The following SNX7 variants were observed in gnomAD, a reference collection of about 807,000 sequenced individuals.
The protein encoded by SNX7 is sorting nexin-7.
A neutral mutation model predicts 48.4 loss-of-function variants in SNX7; 35 were observed. That is an observed-to-expected ratio of 0.72 (90% CI 0.55 to 0.96). The LOEUF (loss-of-function observed/expected upper bound fraction) is 0.96, where lower values mean the gene tolerates loss of function less well. Among genes scored for constraint, SNX7 ranks in the 40% least tolerant of loss-of-function variants. The pLI, the probability that SNX7 is intolerant of heterozygous loss-of-function variation, is 0.00. For synonymous variants in SNX7, 190 were observed against 190.2 expected (o/e 1.00, Z 0.01); for missense variants, 553 against 548.9 (o/e 1.01, Z -0.07).
At position 98,742,796 on chromosome 1, in the gene SNX7, A is replaced by AT. The variant is rs535934643; in HGVS notation, c.1278+4411dup. On this transcript the variant is annotated intron_variant, in intron 8 of 8. Coordinates refer to ENST00000306121, the MANE Select transcript of SNX7 (RefSeq NM_015976.5). ...TATTTTAAGATTAAATTATTGTTAG[A>AT]TTTTCTGCATGGGTCTTTGGAATGT... is the stretch of plus-strand genomic sequence containing the variant. 3.3e-3 allele frequency among the ~76,000 whole-genome samples: 499 copies of AT among 151,972 alleles called. 1 individual carries two copies. The highest frequency in any genetic ancestry group is 5.1e-3 in the Non-Finnish European group (343 of 67,918).
intron 7 of SNX7, among the ~76,000 whole-genome samples, chr1:98,723,888 C>T (rs1022912712): frequency 5.9e-5 from 9 of 151,742 alleles, no homozygotes; most frequent in East Asian, 1.9e-4. Flanking sequence ...AATTCTATTA[C>T]GGGTGAATAT....
chr1:98,702,130 A>G lies in SNX7; in HGVS notation c.1125+227A>G, dbSNP rs1354028673. 2.0e-5 allele frequency among the ~76,000 whole-genome samples: 3 copies of G among 152,178 alleles called. 1 individual carries two copies. Among genetic ancestry groups the G allele is most frequent in the Non-Finnish European group, 4.4e-5 (3 of 68,010 alleles). ...TTTCTGCCTTTCTGACTTATGTCTC[A>G]TACTATTAAGAAAGTATAATTTTGT... On this transcript the variant is annotated intron_variant, in intron 7 of 8. Coordinates refer to ENST00000306121, the MANE Select transcript of SNX7 (RefSeq NM_015976.5).
intron 1 of SNX7, among the ~76,000 whole-genome samples, chr1:98,668,271 T>C (rs749780759): frequency 1.3e-5 from 2 of 152,226 alleles, no homozygotes. Context: ...TGACATGATA[T>C]TGAATTTAAA....
intron 7 of SNX7, among the ~76,000 whole-genome samples, chr1:98,731,878 A>G (rs1014698345): frequency 6.6e-5 from 10 of 152,100 alleles, no homozygotes; most frequent in African/African-American, 2.4e-4. Context: ...ATTTGTTTGC[A>G]TTTCTTATTA....
intron 8 of SNX7, among the ~76,000 whole-genome samples, chr1:98,743,943 T>C (rs980698544): frequency 6.6e-6 from 1 of 152,060 alleles, no homozygotes; most frequent in African/African-American, 2.4e-5. Flanking sequence ...CTAAGCAAGA[T>C]TTGGATGGAT....
chr1:98,727,629 G>C (rs755058073), intron 7 of SNX7, among the ~76,000 whole-genome samples: 10 of 152,086 alleles, frequency 6.6e-5, no homozygotes, highest in Non-Finnish European at 1.5e-4. Context: ...TAAGAACCAT[G>C]ATGAAACATT....
intron 4 of SNX7, among the ~76,000 whole-genome samples, chr1:98,693,763 A>G (rs1180885943): frequency 2.0e-5 from 3 of 152,224 alleles, no homozygotes; most frequent in Admixed American, 6.5e-5. Flanking sequence ...GAAAACCTGA[A>G]GGAAGATAGA....
intron 7 of SNX7, among the ~76,000 whole-genome samples, chr1:98,715,918 C>T (rs1200116156): frequency 1.3e-5 from 2 of 149,260 alleles, no homozygotes; most frequent in South Asian, 2.1e-4. Context: ...ATCATATTCA[C>T]ACACACACAC....
chr1:98,661,656 G>C (rs1159933637), upstream of SNX7: 2 of 1,157,182 alleles, frequency 1.7e-6, no homozygotes, highest in Non-Finnish European at 2.1e-6. Context: ...TGCAGGAGAC[G>C]TGGGAGCCAA....
intron 7 of SNX7, among the ~76,000 whole-genome samples, chr1:98,704,867 GCT>G (rs1465494745): frequency 6.6e-6 from 1 of 152,156 alleles, no homozygotes; most frequent in Non-Finnish European, 1.5e-5. Context: ...GTGAAATGAA[GCT>G]CTAGTAAGAA....
chr1:98,698,703 TAGAATA>T lies in SNX7; in HGVS notation c.839-2_842del. The T allele has an allele frequency of 6.3e-7, 1 of 1,597,254 alleles. No individual in the cohort carries two copies. The highest frequency in any genetic ancestry group is 8.5e-7 in the Non-Finnish European group (1 of 1,172,648). On this transcript the variant is annotated splice_acceptor_variant and coding_sequence_variant, in exon 6 of 9. Coordinates refer to ENST00000306121, the MANE Select transcript of SNX7 (RefSeq NM_015976.5). LOFTEE classifies it high-confidence loss of function. ...AGCTTATTAAGTCTTTTTTTTTTTT[TAGAATA>T]TTTTGATGAAATGAAAGAATATGGC... is the stretch of plus-strand genomic sequence containing the variant.
At chr1:98,665,809 C>G (rs76570003) in intron 1 of SNX7, among the ~76,000 whole-genome samples, 16 of 152,206 alleles carry the variant, frequency 1.1e-4, no homozygotes, top group African/African-American at 3.9e-4. Context: ...AGGCTGGTCT[C>G]AAACTCCTGA....
intron 7 of SNX7, among the ~76,000 whole-genome samples, chr1:98,733,420 G>A (rs193055780): frequency 1.3e-5 from 2 of 152,122 alleles, no homozygotes; most frequent in East Asian, 1.9e-4. Context: ...CTCCTTCAGC[G>A]CCTCCACTTG....
chr1:98,722,699 T>C (rs918879031), intron 7 of SNX7, among the ~76,000 whole-genome samples: 1 of 152,114 alleles, frequency 6.6e-6, no homozygotes, highest in African/African-American at 2.4e-5. Context: ...ACAATGATGA[T>C]ATTTTTAAGT....
chr1:98,759,995 C>T lies in SNX7; in HGVS notation c.1279-59C>T, dbSNP rs1282701692. Reference sequence around the variant, plus strand: ...AACAGATGTGTTAGAATTTATTAATCCTTTAACACTGAAAGTAAACTATTG... The same window carrying T: ...AACAGATGTGTTAGAATTTATTAATTCTTTAACACTGAAAGTAAACTATTG... On this transcript the variant is annotated intron_variant, in intron 8 of 8. Transcript: ENST00000306121. 7.2e-6 allele frequency: 8 copies of T among 1,106,440 alleles called. No individual in the cohort carries two copies. The East Asian group carries it at 1.2e-4, about 16-fold the overall frequency. The allele number at this position is 1,106,440 out of a possible 1,614,324, so 68.5% of individuals were successfully genotyped here. A position where few individuals can be genotyped will look rare whatever the true frequency, so the allele number is the denominator to read the frequency against.
chr1:98,684,156 A>T (rs1650655767), intron 1 of SNX7, among the ~76,000 whole-genome samples: 1 of 152,126 alleles, frequency 6.6e-6, no homozygotes, highest in Non-Finnish European at 1.5e-5. Context: ...GTTCTCTTCT[A>T]GATTACTTTT....
At chr1:98,668,391 A>T (rs916014648) in intron 1 of SNX7, among the ~76,000 whole-genome samples, 1 of 152,242 alleles carries the variant, frequency 6.6e-6, no homozygotes, top group Admixed American at 6.5e-5. Flanking sequence ...GAGAATTAAC[A>T]GTTGATGTCA....
At chr1:98,684,016 C>G (rs1444840008) in intron 1 of SNX7, among the ~76,000 whole-genome samples, 6 of 152,128 alleles carry the variant, frequency 3.9e-5, no homozygotes, top group Admixed American at 2.0e-4. Context: ...TTTATTAGAT[C>G]TTCTTAATAA....
Position 98,760,143 on chromosome 1 carries a change from A to G in SNX7, c.*12A>G. On this transcript the variant is annotated 3_prime_UTR_variant, in exon 9 of 9. Transcript: ENST00000306121. The stretch of plus-strand genomic sequence containing the variant: ...AAGATAAACCTTAATCCCATTGAGG[A>G]CTTCTGTTTGATCTTTGGGAGACAG... 1.9e-6 allele frequency: 3 copies of G among 1,580,568 alleles called. No individual in the cohort carries two copies. Among genetic ancestry groups the G allele is most frequent in the Non-Finnish European group, 2.6e-6 (3 of 1,150,236 alleles).
Sources: allele counts gnomAD v4.1 joint callset (sites outside exome capture counted in the v4.1 genomes callset), GRCh38; gene constraint gnomAD v4.1.1; transcripts MANE v1.5; gene names NCBI Gene and HGNC (gene_info 2026-07-23, HGNC 2026-07-21).